Variants in XKR8 observed in about 807,000 individuals in gnomAD.
XKR8 encodes the protein XK related 8, also known as XK-related protein 8.
A neutral mutation model predicts 17.1 loss-of-function variants in XKR8; 10 were observed. The ratio of observed to expected loss-of-function variants is 0.59; its 90% CI spans 0.36 to 0.99. The LOEUF (loss-of-function observed/expected upper bound fraction) is 0.99, where lower values mean the gene tolerates loss of function less well. Ranked by LOEUF, XKR8 falls within the 50% of genes least tolerant of loss-of-function variation. XKR8 has a pLI of 0.01. For synonymous variants in XKR8, 213 were observed against 251.9 expected (o/e 0.85, Z 1.46); for missense variants, 411 against 515.6 (o/e 0.80, Z 1.96).
At position 27,960,207 on chromosome 1, in the gene XKR8, G is replaced by A. The variant is rs1307221553; in HGVS notation, c.138G>A (p.Ala46=). 6.6e-7 allele frequency: 1 copy of A among 1,526,460 alleles called. No individual in the cohort carries two copies. The highest frequency in any genetic ancestry group is 8.7e-7 in the Non-Finnish European group (1 of 1,143,742). The allele number at this position is 1,526,460 out of a possible 1,614,324, so 94.6% of individuals were successfully genotyped here. A position where few individuals can be genotyped will look rare whatever the true frequency, so the allele number is the denominator to read the frequency against. Residue 46 remains alanine, a synonymous_variant, in exon 1 of 3, where the codon GCG becomes GCA. Transcript: ENST00000373884. The surrounding 1 kb of genome is among the most constrained non-coding windows in gnomAD (Gnocchi z 5.9). ...CGCTCGGCGGCCGCTACCTGTGGGC[G>A]GCGCTGGTGCTGGCGCTGCTGGGCC... ...QYALGGRYLW[A]ALVLALLGLA... is the part of the protein sequence containing the mutation.
intron 1 of XKR8, among the ~76,000 whole-genome samples, chr1:27,962,098 G>C (rs1309871363): frequency 1.3e-5 from 2 of 152,196 alleles, no homozygotes; most frequent in Non-Finnish European, 2.9e-5. Flanking sequence ...CCTGTGCCCA[G>C]AAGTGCCCAA....
At chr1:27,963,438 G>T (rs897246974) in intron 1 of XKR8, 59 bp from the exon 2 acceptor site, 14 of 1,544,728 alleles carry the variant, frequency 9.1e-6, no homozygotes, top group Admixed American at 5.7e-5. Context: ...ATGGGTGGGA[G>T]GCTGAGGAAT....
rs1638578255 is a variant in XKR8 at position 27,966,689 on chromosome 1, C to T, written c.677C>T (p.Pro226Leu). Residue 226 changes from proline (P) to leucine (L), a missense_variant, in exon 3 of 3, where the codon CCC becomes CTC. Physicochemically the swap from Pro to Leu is moderately conservative, Grantham distance 98. Coordinates refer to ENST00000373884, the MANE Select transcript of XKR8 (RefSeq NM_018053.4). This position sits in a 1 kb window ranked among gnomAD's most constrained non-coding sequence, Gnocchi z 4.3. ...GTGGCCCTGTTCTCAGCCCTCTTCC[C>T]CAGCTATGTGGCCCTGCACTTCCTG... is the stretch of plus-strand genomic sequence containing the variant. ...LAVALFSALF[P>L]SYVALHFLGL... The T allele has an allele frequency of 6.2e-7, 1 of 1,614,182 alleles. No individual in the cohort carries two copies. The highest frequency in any genetic ancestry group is 8.5e-7 in the Non-Finnish European group (1 of 1,180,020).
At chr1:27,964,707 G>A (rs923538743) in intron 2 of XKR8, among the ~76,000 whole-genome samples, 10 of 152,108 alleles carry the variant, frequency 6.6e-5, no homozygotes, top group Admixed American at 4.6e-4. Context: ...CCTAAGCATG[G>A]GTGAAGTTTA....
chr1:27,963,093 G>A (rs897220546), intron 1 of XKR8, among the ~76,000 whole-genome samples: 1 of 151,922 alleles, frequency 6.6e-6, no homozygotes, highest in Non-Finnish European at 1.5e-5. Flanking sequence ...GCACGATCTC[G>A]GCTCACTGTA....
Position 27,960,016 on chromosome 1 carries a change from C to G in XKR8, c.-54C>G. ...CTTCCTGCCTCGGCAACCCCGGGCCCTGAGGGCAGGCCCCAACCGCGGAGG... is the reference window on the plus strand; with the variant it reads ...CTTCCTGCCTCGGCAACCCCGGGCCGTGAGGGCAGGCCCCAACCGCGGAGG... On this transcript the variant is annotated 5_prime_UTR_variant, in exon 1 of 3. Coordinates refer to ENST00000373884, the MANE Select transcript of XKR8 (RefSeq NM_018053.4). The surrounding 1 kb of genome is among the most constrained non-coding windows in gnomAD (Gnocchi z 5.9). 8 of 1,353,676 alleles carry G rather than the reference C, an allele frequency of 5.9e-6. No individual in the cohort carries two copies. The highest frequency in any genetic ancestry group is 6.6e-6 in the Non-Finnish European group (7 of 1,057,142). The allele number at this position is 1,353,676 out of a possible 1,614,324, so 83.9% of individuals were successfully genotyped here.
In XKR8 at chr1:27,960,064, C is replaced by A; in HGVS notation, c.-6C>A. 1 of 1,424,134 alleles carries A rather than the reference C, an allele frequency of 7.0e-7. No homozygotes were observed. Among genetic ancestry groups the A allele is most frequent in the Middle Eastern group, 2.5e-4 (1 of 4,008 alleles). The allele number at this position is 1,424,134 out of a possible 1,614,324, so 88.2% of individuals were successfully genotyped here. A position where few individuals can be genotyped will look rare whatever the true frequency, so the allele number is the denominator to read the frequency against. On this transcript the variant is annotated 5_prime_UTR_variant, in exon 1 of 3. Coordinates refer to ENST00000373884, the MANE Select transcript of XKR8 (RefSeq NM_018053.4). This position sits in a 1 kb window ranked among gnomAD's most constrained non-coding sequence, Gnocchi z 5.9. Reference sequence around the variant, plus strand: ...AGGAGCAGGAGAGGGCGGAGGCCGGCGGGCCATGCCCTGGTCGTCCCGCGG... The same window carrying A: ...AGGAGCAGGAGAGGGCGGAGGCCGGAGGGCCATGCCCTGGTCGTCCCGCGG...
chr1:27,960,382 A>G lies in XKR8; in HGVS notation c.293+20A>G. 1 of 1,357,940 alleles carries G rather than the reference A, an allele frequency of 7.4e-7. No individual in the cohort carries two copies. Among genetic ancestry groups the G allele is most frequent in the East Asian group, 3.0e-5 (1 of 33,474 alleles). 84.1% of individuals were successfully genotyped at this position (1,357,940 alleles called of 1,614,324 possible). ...GTACAGGTGAGTGCTTCGCCCCGGG[A>G]GGGGAGGAGTGTCGGAGCCCAGCAC... is the stretch of plus-strand genomic sequence containing the variant. On this transcript the variant is annotated intron_variant, in intron 1 of 2. Coordinates refer to ENST00000373884, the MANE Select transcript of XKR8 (RefSeq NM_018053.4). This position sits in a 1 kb window ranked among gnomAD's most constrained non-coding sequence, Gnocchi z 5.9.
chr1:27,963,774 T>C (rs1328501702), intron 2 of XKR8, 81 bp downstream of exon 2: 7 of 1,362,550 alleles, frequency 5.1e-6, no homozygotes, highest in Non-Finnish European at 6.8e-6. Flanking sequence ...TTTAGTCTTT[T>C]ATAAAGGCTG....
In XKR8 at chr1:27,967,082, C is replaced by A. The variant is rs1638591044; in HGVS notation, c.1070C>A (p.Ala357Asp). The change falls in exon 3 of 3, where the codon GCC (alanine) becomes GAC (aspartate). Residue 357 changes from alanine (A) to aspartate (D), a missense_variant. Ala to Asp is a moderately radical substitution (Grantham distance 126, BLOSUM62 -2). Transcript: ENST00000373884. This position sits in a 1 kb window ranked among gnomAD's most constrained non-coding sequence, Gnocchi z 4.3. ...WKPDPDQVDGARSLLSPEGYQ... is the reference protein window; with the variant it reads ...WKPDPDQVDGDRSLLSPEGYQ... ...CCCGACCCTGACCAGGTAGACGGGG[C>A]CCGGAGTCTGCTTTCTCCAGAGGGG... 6.2e-7 allele frequency: 1 copy of A among 1,614,030 alleles called. No homozygotes were observed. The highest frequency in any genetic ancestry group is 8.5e-7 in the Non-Finnish European group (1 of 1,179,916).
At position 27,963,496 on chromosome 1, in the gene XKR8, G is replaced by C; in HGVS notation, c.294-1G>C. ...TCTGGGCATTTGTGTGTGGTGCCTA[G>C]GTGCGTGCAGGAGCTGCGGCAGGGG... On this transcript the variant is annotated splice_acceptor_variant, in intron 1 of 2. Coordinates refer to ENST00000373884, the MANE Select transcript of XKR8 (RefSeq NM_018053.4). LOFTEE classifies it high-confidence loss of function. 2 of 1,607,690 alleles carry C rather than the reference G, an allele frequency of 1.2e-6. No homozygotes were observed. The highest frequency in any genetic ancestry group is 1.1e-5 in the South Asian group (1 of 89,966).
Position 27,960,241 on chromosome 1 carries a change from G to T in XKR8, c.172G>T (p.Val58Leu), listed in dbSNP as rs1198927934. ...LVLALLGLAS[V>L]ALQLFSWLWL... ...GCTGGCGCTGCTGGGCCTGGCCTCC[G>T]TGGCGCTGCAGCTCTTCAGCTGGCT... is the stretch of plus-strand genomic sequence containing the variant. The change falls in exon 1 of 3, where the codon GTG becomes TTG. Residue 58 changes from valine (V) to leucine (L), a missense_variant. Physicochemically the swap from Val to Leu is conservative, Grantham distance 32. Coordinates refer to ENST00000373884, the MANE Select transcript of XKR8 (RefSeq NM_018053.4). The surrounding 1 kb of genome is among the most constrained non-coding windows in gnomAD (Gnocchi z 5.9). 4 of 1,526,176 alleles carry T rather than the reference G, an allele frequency of 2.6e-6. No individual in the cohort carries two copies. Among genetic ancestry groups the T allele is most frequent in the Non-Finnish European group, 2.6e-6 (3 of 1,143,514 alleles). 94.5% of individuals were successfully genotyped at this position (1,526,176 alleles called of 1,614,324 possible).
Position 27,965,302 on chromosome 1 carries a change from C to T in XKR8, c.491-1201C>T, listed in dbSNP as rs1638547545. On this transcript the variant is annotated intron_variant, in intron 2 of 2. Transcript: ENST00000373884. The surrounding 1 kb of genome is among the most constrained non-coding windows in gnomAD (Gnocchi z 4.1). Reference sequence around the variant, plus strand: ...GGGGTAAGGGGGCGAGACAGATTTTCCCTACTTTTTATTTAGCAAACATCT... The same window carrying T: ...GGGGTAAGGGGGCGAGACAGATTTTTCCTACTTTTTATTTAGCAAACATCT... Among the ~76,000 whole-genome samples, 2 of 152,134 alleles carry T rather than the reference C, an allele frequency of 1.3e-5. No homozygotes were observed. The highest frequency in any genetic ancestry group is 4.1e-4 in the South Asian group (2 of 4,824).
At position 27,965,266 on chromosome 1, in the gene XKR8, G is replaced by A. The variant is rs1340366300; in HGVS notation, c.491-1237G>A. 4.6e-5 allele frequency among the ~76,000 whole-genome samples: 7 copies of A among 152,174 alleles called. No individual in the cohort carries two copies. Among genetic ancestry groups the A allele is most frequent in the Admixed American group, 2.0e-4 (3 of 15,272 alleles). ...GCCAAGTGCAGACAGTCTGCACTGT[G>A]AGTGTGGCAGGGGGTAAGGGGGCGA... On this transcript the variant is annotated intron_variant, in intron 2 of 2. Transcript: ENST00000373884. This position sits in a 1 kb window ranked among gnomAD's most constrained non-coding sequence, Gnocchi z 4.1.
At chr1:27,964,817 A>C (rs1173088673) in intron 2 of XKR8, among the ~76,000 whole-genome samples, 1 of 152,046 alleles carries the variant, frequency 6.6e-6, no homozygotes, top group African/African-American at 2.4e-5. Flanking sequence ...CCCCACTCAC[A>C]TCCGACTCAG....
At position 27,966,257 on chromosome 1, in the gene XKR8, C is replaced by T. The variant is rs934557961; in HGVS notation, c.491-246C>T. Among the ~76,000 whole-genome samples, 1 of 152,148 alleles carries T rather than the reference C, an allele frequency of 6.6e-6. No homozygotes were observed. Among genetic ancestry groups the T allele is most frequent in the African/African-American group, 2.4e-5 (1 of 41,414 alleles). ...ACATCCTCTCATCTTTGACAAATAC[C>T]ACCCGGATAGCACCTACGCAGCAAA... On this transcript the variant is annotated intron_variant, in intron 2 of 2. Transcript: ENST00000373884. The surrounding 1 kb of genome is among the most constrained non-coding windows in gnomAD (Gnocchi z 4.3).
rs1316638142 is a variant in XKR8, at chr1:27,960,059, G to A, written c.-11G>A. On this transcript the variant is annotated 5_prime_UTR_variant, in exon 1 of 3. Coordinates refer to ENST00000373884, the MANE Select transcript of XKR8 (RefSeq NM_018053.4). This position sits in a 1 kb window ranked among gnomAD's most constrained non-coding sequence, Gnocchi z 5.9. ...CGCGGAGGAGCAGGAGAGGGCGGAG[G>A]CCGGCGGGCCATGCCCTGGTCGTCC... The A allele has an allele frequency of 4.2e-6, 6 of 1,421,282 alleles. No individual in the cohort carries two copies. The highest frequency in any genetic ancestry group is 5.5e-6 in the Non-Finnish European group (6 of 1,093,036). 88.0% of individuals were successfully genotyped at this position (1,421,282 alleles called of 1,614,324 possible).
In XKR8 at chr1:27,966,102, T is replaced by A. The variant is rs1638562391; in HGVS notation, c.491-401T>A. Among the ~76,000 whole-genome samples, 1 of 152,070 alleles carries A rather than the reference T, an allele frequency of 6.6e-6. No individual in the cohort carries two copies. The highest frequency in any genetic ancestry group is 1.5e-5 in the Non-Finnish European group (1 of 68,010). ...TTTTTGAGACTAAGAAAGACGGAACTGAGACTGTTGATTTTTAGACACAAG... is the reference window on the plus strand; with the variant it reads ...TTTTTGAGACTAAGAAAGACGGAACAGAGACTGTTGATTTTTAGACACAAG... On this transcript the variant is annotated intron_variant, in intron 2 of 2. Transcript: ENST00000373884. The surrounding 1 kb of genome is among the most constrained non-coding windows in gnomAD (Gnocchi z 4.3).
At position 27,960,419 on chromosome 1, in the gene XKR8, G is replaced by A; in HGVS notation, c.293+57G>A. 7.4e-7 allele frequency: 1 copy of A among 1,350,750 alleles called. No individual in the cohort carries two copies. The highest frequency in any genetic ancestry group is 9.5e-7 in the Non-Finnish European group (1 of 1,055,336). The allele number at this position is 1,350,750 out of a possible 1,614,324, so 83.7% of individuals were successfully genotyped here. A position where few individuals can be genotyped will look rare whatever the true frequency, so the allele number is the denominator to read the frequency against. On this transcript the variant is annotated intron_variant, in intron 1 of 2. Transcript: ENST00000373884. This position sits in a 1 kb window ranked among gnomAD's most constrained non-coding sequence, Gnocchi z 5.9. Reference sequence around the variant, plus strand: ...TCGGAGCCCAGCACCTCCGTCAGCTGGGTCACCTGTACAGGTGACACGCCA... The same window carrying A: ...TCGGAGCCCAGCACCTCCGTCAGCTAGGTCACCTGTACAGGTGACACGCCA...
Sources: allele counts gnomAD v4.1 joint callset (sites outside exome capture counted in the v4.1 genomes callset), GRCh38; gene constraint gnomAD v4.1.1; non-coding constraint Gnocchi (gnomAD v3.1); transcripts MANE v1.5; gene names NCBI Gene and HGNC (gene_info 2026-07-23, HGNC 2026-07-21).